The following BEND2 variants were observed in gnomAD, a reference collection of about 807,000 sequenced individuals.
The protein encoded by BEND2 is BEN domain-containing protein 2.
BEND2 carries 19 observed loss-of-function variants against 43.8 expected under a neutral mutation model. The observed-to-expected ratio is 0.43, with a 90% CI of 0.30 to 0.64. The LOEUF (loss-of-function observed/expected upper bound fraction) is 0.64, where lower values mean the gene tolerates loss of function less well. Among genes scored for constraint, BEND2 ranks in the 30% least tolerant of loss-of-function variants. The pLI is 0.11. For synonymous variants in BEND2, 226 were observed against 210.1 expected (o/e 1.08, Z -0.66); for missense variants, 544 against 574.0 (o/e 0.95, Z 0.53).
chrX:18,186,326 C>T (rs1372821704), intron 8 of BEND2, among the ~76,000 whole-genome samples: 1 of 109,543 alleles, frequency 9.1e-6, no homozygotes, highest in African/African-American at 3.3e-5. Context: ...GGCGTGGTGG[C>T]GGGTGCCAGT....
chrX:18,219,290 C>A (rs1925773423), intron 1 of BEND2, among the ~76,000 whole-genome samples: 1 of 112,441 alleles, frequency 8.9e-6, no homozygotes, highest in African/African-American at 3.2e-5. Context: ...CGGGGAGAGC[C>A]GGGAGGGACG....
At chrX:18,179,401 G>A (rs1329972467) in intron 9 of BEND2, among the ~76,000 whole-genome samples, 1 of 110,137 alleles carries the variant, frequency 9.1e-6, no homozygotes, top group Non-Finnish European at 1.9e-5. Context: ...GGGCTCAAGC[G>A]ATTTTCCCAC....
rs1421941085 is a variant in BEND2, at chrX:18,175,902, A to G, written c.1752+70T>C. On this transcript the variant is annotated intron_variant, in intron 11 of 13. Coordinates refer to ENST00000380033, the MANE Select transcript of BEND2 (RefSeq NM_153346.5). ...GCCTAAAGAGACTGTGCCTCATGCT[A>G]TCAGTTCTGAAACTGTACACAGTAC... 8.2e-6 allele frequency: 8 copies of G among 972,661 alleles called. No homozygotes were observed. The East Asian group carries it at 2.8e-4, about 34-fold the overall frequency. 80.2% of individuals were successfully genotyped at this position (972,661 alleles called of 1,213,427 possible). A position where few individuals can be genotyped will look rare whatever the true frequency, so the allele number is the denominator to read the frequency against.
chrX:18,190,766 T>TCACACACACACA (rs1300015009), intron 8 of BEND2, among the ~76,000 whole-genome samples: 17 of 93,005 alleles, frequency 1.8e-4, no homozygotes, highest in Non-Finnish European at 2.6e-4. Flanking sequence ...TCTCTCTCTC[T>TCACACACACACA]CACACACACA....
chrX:18,199,646 G>C lies in BEND2; in HGVS notation c.1033+2169C>G, dbSNP rs199972113. 3.0e-5 allele frequency among the ~76,000 whole-genome samples: 3 copies of C among 99,041 alleles called. No individual in the cohort carries two copies. The East Asian group carries it at 1.0e-3, about 34-fold the overall frequency. The allele number at this position is 99,041 out of a possible 115,157, so 86.0% of individuals were successfully genotyped here. On this transcript the variant is annotated intron_variant, in intron 6 of 13. Transcript: ENST00000380033. The stretch of plus-strand genomic sequence containing the variant: ...AATAAAAAGCCTAGTTTTTTTTTTT[G>C]TTTTTAAAGAGCTACCACTGACTTG...
chrX:18,190,852 A>C, intron 8 of BEND2, 149 bp downstream of exon 8: 1 of 441,728 alleles, frequency 2.3e-6, no homozygotes, highest in Non-Finnish European at 3.8e-6. Context: ...TGATTGCATC[A>C]ATGTCAAAAT....
intron 7 of BEND2, among the ~76,000 whole-genome samples, chrX:18,192,236 G>A (rs1283797327): frequency 5.4e-5 from 6 of 111,887 alleles, no homozygotes; most frequent in African/African-American, 1.9e-4. Context: ...AATATTGAAA[G>A]ACAATAAATC....
At chrX:18,204,279 T>C (rs947203954) in intron 4 of BEND2, among the ~76,000 whole-genome samples, 2 of 112,347 alleles carry the variant, frequency 1.8e-5, no homozygotes, top group Non-Finnish European at 3.7e-5. Context: ...TCCAAGGGAA[T>C]TGTAGTCCCC....
chrX:18,192,527 T>C (rs745377107), intron 7 of BEND2, among the ~76,000 whole-genome samples: 1 of 112,452 alleles, frequency 8.9e-6, no homozygotes, highest in Admixed American at 9.5e-5. Flanking sequence ...CTCTCTGGAA[T>C]ACTATTTGGC....
chrX:18,192,334 T>C (rs1409134350), intron 7 of BEND2, among the ~76,000 whole-genome samples: 1 of 111,794 alleles, frequency 8.9e-6, no homozygotes, highest in African/African-American at 3.2e-5. Context: ...ACTGAAGTAT[T>C]TGTCACTAAC....
chrX:18,180,384 T>C, intron 9 of BEND2, 126 bp downstream of exon 9: 1 of 1,004,593 alleles, frequency 1.0e-6, no homozygotes, highest in Admixed American at 2.9e-5. Context: ...TTAGTCATGG[T>C]TCTGAATATC....
rs138652310 is a variant in BEND2, at chrX:18,204,426, C to A, written c.493-511G>T. 8.6e-3 allele frequency among the ~76,000 whole-genome samples: 961 copies of A among 112,226 alleles called. 15 individuals are homozygous for A. The highest frequency in any genetic ancestry group is 0.03 in the African/African-American group (914 of 30,904). ...AAAAATGTTTTTGTAACACACATTT[C>A]ATCAAAGGTGGTTGCTCCCAAGAAC... is the stretch of plus-strand genomic sequence containing the variant. On this transcript the variant is annotated intron_variant, in intron 4 of 13. Transcript: ENST00000380033.
At chrX:18,211,505 G>A (rs978333717) in intron 4 of BEND2, among the ~76,000 whole-genome samples, 13 of 112,218 alleles carry the variant, frequency 1.2e-4, no homozygotes, top group African/African-American at 4.2e-4. Context: ...TGGACAGGCC[G>A]GATGCGGTGG....
Position 18,165,055 on chromosome X carries a change from T to C in BEND2, c.2354A>G (p.Gln785Arg). The C allele has an allele frequency of 8.3e-7, 1 of 1,210,308 alleles. No homozygotes were observed. Among genetic ancestry groups the C allele is most frequent in the East Asian group, 3.0e-5 (1 of 33,830 alleles). ...GTCGGGATCTCCTGGCTTTGACTCCTGCTCCAGCTCTGGAGGGGTCACTGC... is the reference window on the plus strand; with the variant it reads ...GTCGGGATCTCCTGGCTTTGACTCCCGCTCCAGCTCTGGAGGGGTCACTGC... ...LPAVTPPELE[Q>R]ESKPGDPDAT... is the part of the protein sequence containing the mutation. The change falls in exon 14 of 14, where the codon CAG becomes CGG. Residue 785 changes from glutamine (Q) to arginine (R), a missense_variant. Gln to Arg is a conservative substitution (Grantham distance 43). Coordinates refer to ENST00000380033, the MANE Select transcript of BEND2 (RefSeq NM_153346.5).
At chrX:18,217,570 C>T (rs936408596) in intron 1 of BEND2, among the ~76,000 whole-genome samples, 9 of 111,198 alleles carry the variant, frequency 8.1e-5, no homozygotes, top group Admixed American at 3.8e-4. Flanking sequence ...GAGGTATGAC[C>T]GTTGGGCCAG....
At chrX:18,214,399 G>A in intron 2 of BEND2, among the ~76,000 whole-genome samples, 1 of 112,136 alleles carries the variant, frequency 8.9e-6, no homozygotes, top group East Asian at 2.8e-4. Flanking sequence ...GGGGTGGATA[G>A]GATTCTAGGG....
At chrX:18,219,239 A>G (rs752371808) in intron 1 of BEND2, among the ~76,000 whole-genome samples, 13 of 112,552 alleles carry the variant, frequency 1.2e-4, no homozygotes, top group Non-Finnish European at 1.7e-4. Flanking sequence ...AAGCTGCTGG[A>G]AAAATCGCTT....
intron 1 of BEND2, among the ~76,000 whole-genome samples, chrX:18,219,570 T>G (rs766764509): frequency 3.2e-4 from 36 of 112,770 alleles, no homozygotes; most frequent in Non-Finnish European, 5.4e-4. Context: ...AACCGCAAAA[T>G]GTCTGACAGG....
rs775128515 is a variant in BEND2 at position 18,203,796 on chromosome X, C to T, written c.612G>A (p.Glu204=). The part of the protein sequence containing the change: ...CHELQEADLS[E]SLSYPRIVSS... Reference sequence around the variant, plus strand: ...AGACAATTCTGGGATATGATAAACTCTCACTGAGGTCTGCTTCCTGCAGTT... The same window carrying T: ...AGACAATTCTGGGATATGATAAACTTTCACTGAGGTCTGCTTCCTGCAGTT... Residue 204 remains glutamate, a synonymous_variant, in exon 5 of 14, where the codon GAG becomes GAA. Transcript: ENST00000380033. 45 of 1,209,668 alleles carry T rather than the reference C, an allele frequency of 3.7e-5. No individual in the cohort carries two copies. Among genetic ancestry groups the T allele is most frequent in the Middle Eastern group, 2.3e-4 (1 of 4,376 alleles).
Sources: allele counts gnomAD v4.1 joint callset (sites outside exome capture counted in the v4.1 genomes callset), GRCh38; gene constraint gnomAD v4.1.1; transcripts MANE v1.5; gene names NCBI Gene and HGNC (gene_info 2026-07-23, HGNC 2026-07-21).